The following DOCK4 variants were observed in gnomAD, a reference collection of about 807,000 sequenced individuals.
DOCK4 encodes the protein dedicator of cytokinesis 4, also known as dedicator of cytokinesis protein 4.
In DOCK4, 97 loss-of-function variants were observed where a neutral mutation model predicts 268.1. That is an observed-to-expected ratio of 0.36 (90% CI 0.31 to 0.43). The LOEUF (loss-of-function observed/expected upper bound fraction) is 0.43, where lower values mean the gene tolerates loss of function less well. Ranked by LOEUF, DOCK4 falls within the 20% of genes least tolerant of loss-of-function variation. The pLI is 1.00. For synonymous variants in DOCK4, 954 were observed against 887.2 expected (o/e 1.08, Z -1.34); for missense variants, 2,145 against 2,455.7 (o/e 0.87, Z 2.67).
At chr7:111,896,211 A>G (rs1002121173) in intron 15 of DOCK4, among the ~76,000 whole-genome samples, 3 of 152,158 alleles carry the variant, frequency 2.0e-5, no homozygotes, top group Non-Finnish European at 4.4e-5. Context: ...ATATCCACAC[A>G]CGTAAGGAAA....
intron 30 of DOCK4, among the ~76,000 whole-genome samples, chr7:111,795,355 C>T (rs934845026): frequency 6.6e-6 from 1 of 152,142 alleles, no homozygotes; most frequent in African/African-American, 2.4e-5. Flanking sequence ...GGGACCGGTT[C>T]ATGATAGGCA....
chr7:111,938,092 C>T (rs1333468369), intron 11 of DOCK4, among the ~76,000 whole-genome samples: 1 of 152,172 alleles, frequency 6.6e-6, no homozygotes, highest in East Asian at 1.9e-4. Context: ...TTGAGGGTTG[C>T]TATGTGATAA....
intron 4 of DOCK4, among the ~76,000 whole-genome samples, chr7:111,996,581 T>C (rs1377302988): frequency 6.6e-6 from 1 of 152,206 alleles, no homozygotes; most frequent in African/African-American, 2.4e-5. Flanking sequence ...GTAACAGCCC[T>C]AGACCTAGGG....
chr7:111,922,654 T>C (rs1793244295), intron 12 of DOCK4, among the ~76,000 whole-genome samples: 1 of 152,206 alleles, frequency 6.6e-6, no homozygotes, highest in Admixed American at 6.5e-5. Context: ...CGATCTTGGC[T>C]CACTGCAACC....
chr7:111,996,536 C>T (rs1799970950), intron 4 of DOCK4, among the ~76,000 whole-genome samples: 1 of 152,158 alleles, frequency 6.6e-6, no homozygotes, highest in Non-Finnish European at 1.5e-5. Flanking sequence ...GCAATACATG[C>T]TCTCAAATGT....
At chr7:111,771,666 A>G (rs1798133301) in intron 36 of DOCK4, among the ~76,000 whole-genome samples, 1 of 152,118 alleles carries the variant, frequency 6.6e-6, no homozygotes, top group Admixed American at 6.6e-5. Flanking sequence ...CTGATGTTTA[A>G]TTCCCCATGT....
intron 18 of DOCK4, 25 bp from the exon 19 acceptor site, chr7:111,872,377 G>A (rs1422514956): frequency 1.3e-6 from 2 of 1,525,860 alleles, no homozygotes; most frequent in Non-Finnish European, 1.8e-6. Flanking sequence ...AGTAGCAAAT[G>A]AGTAAATAAG....
At chr7:112,133,633 T>C (rs1355304460) in intron 1 of DOCK4, among the ~76,000 whole-genome samples, 4 of 151,990 alleles carry the variant, frequency 2.6e-5, no homozygotes, top group East Asian at 3.9e-4. Flanking sequence ...GGCAGGAAGA[T>C]TGCTTGAACC....
rs754585336 is a variant in DOCK4, at chr7:112,004,073, T to C, written c.96A>G (p.Thr32=). 1.6e-5 allele frequency: 25 copies of C among 1,604,466 alleles called. No individual in the cohort carries two copies. The highest frequency in any genetic ancestry group is 8.5e-6 in the Non-Finnish European group (10 of 1,175,356). ...CATCACACTTCTCCAGGATCTGAAC[T>C]GTATCTCCAATTTCCAATGACAGGC... ...PYGLSLEIGD[T]VQILEKCDGW... The change falls in exon 2 of 53, where the codon ACA becomes ACG. Residue 32 remains threonine, a synonymous_variant. Coordinates refer to ENST00000428084, the MANE Select transcript of DOCK4 (RefSeq NM_001363540.2).
chr7:111,795,770 G>C (rs772352484), intron 30 of DOCK4, among the ~76,000 whole-genome samples: 9 of 152,168 alleles, frequency 5.9e-5, no homozygotes, highest in Non-Finnish European at 1.3e-4. Flanking sequence ...GACCAATATG[G>C]TGATAAGGAA....
chr7:111,955,797 G>T (rs930247578), intron 8 of DOCK4, among the ~76,000 whole-genome samples: 1 of 152,168 alleles, frequency 6.6e-6, no homozygotes, highest in Non-Finnish European at 1.5e-5. Context: ...GTGAATTAAA[G>T]AAATGATTTT....
intron 1 of DOCK4, among the ~76,000 whole-genome samples, chr7:112,128,723 C>T (rs375788630): frequency 1.3e-5 from 2 of 151,930 alleles, no homozygotes; most frequent in African/African-American, 2.4e-5. Flanking sequence ...GCAGCATGCT[C>T]GTTAAGAGTC....
chr7:112,102,844 A>G (rs1810815865), intron 1 of DOCK4, among the ~76,000 whole-genome samples: 1 of 139,020 alleles, frequency 7.2e-6, no homozygotes, highest in Non-Finnish European at 1.6e-5. Flanking sequence ...AACTGAGTTA[A>G]TATATGCCAA....
In DOCK4 at chr7:111,735,176, G is replaced by A; in HGVS notation, c.5306-9C>T. On this transcript the variant is annotated splice_polypyrimidine_tract_variant and intron_variant, in intron 50 of 52. Coordinates refer to ENST00000428084, the MANE Select transcript of DOCK4 (RefSeq NM_001363540.2). ...AGGGGTGGGGTTCACAGCTGGAAGG[G>A]AATAACACAGCTAAAAACACACGGT... 3.2e-6 allele frequency: 5 copies of A among 1,546,824 alleles called. No homozygotes were observed. The highest frequency in any genetic ancestry group is 2.7e-5 in the African/African-American group (2 of 73,258).
At chr7:111,873,750 T>C (rs1249984856) in intron 17 of DOCK4, among the ~76,000 whole-genome samples, 2 of 151,856 alleles carry the variant, frequency 1.3e-5, no homozygotes, top group East Asian at 1.9e-4. Context: ...CAAAGCCAGA[T>C]TCAAGAGAAA....
At chr7:111,735,439 A>G (rs1795409883) in intron 50 of DOCK4, among the ~76,000 whole-genome samples, 1 of 152,232 alleles carries the variant, frequency 6.6e-6, no homozygotes, top group African/African-American at 2.4e-5. Context: ...CTTGCTGAGA[A>G]TTACAAATGT....
At chr7:112,030,828 C>A (rs1223087854) in intron 1 of DOCK4, among the ~76,000 whole-genome samples, 1 of 152,190 alleles carries the variant, frequency 6.6e-6, no homozygotes, top group African/African-American at 2.4e-5. Context: ...TTTCTCAGTT[C>A]ATGAACTTTT....
intron 7 of DOCK4, among the ~76,000 whole-genome samples, chr7:111,978,169 A>T (rs1009090424): frequency 5.9e-5 from 9 of 152,228 alleles, no homozygotes; most frequent in African/African-American, 2.2e-4. Flanking sequence ...AGACATGAAC[A>T]AAATTGTCAC....
At chr7:112,082,879 G>C in intron 1 of DOCK4, among the ~76,000 whole-genome samples, 1 of 152,010 alleles carries the variant, frequency 6.6e-6, no homozygotes, top group Non-Finnish European at 1.5e-5. Flanking sequence ...GACTTAGCTA[G>C]AAATAAATTT....
Sources: gnomAD v4.1 joint callset for allele counts (sites outside exome capture counted in the v4.1 genomes callset) on GRCh38, gnomAD v4.1.1 for gene constraint, MANE v1.5 for transcripts, NCBI Gene and HGNC (gene_info 2026-07-23, HGNC 2026-07-21) for gene names.